Variants in TLN2 observed in about 807,000 individuals in gnomAD.
TLN2 encodes talin-2.
TLN2 carries 118 observed loss-of-function variants against 294.7 expected under a neutral mutation model. The ratio of observed to expected loss-of-function variants is 0.40; its 90% CI spans 0.34 to 0.47. The LOEUF (loss-of-function observed/expected upper bound fraction) is 0.47, where lower values mean the gene tolerates loss of function less well. TLN2 is among the 20% of genes least tolerant of loss of function. TLN2 has a pLI of 0.84. For missense variants in TLN2, 3,083 were observed against 3,282.2 expected, an observed-to-expected ratio of 0.94 and a Z score of 1.48; for synonymous variants, 1,431 against 1,304.5, an observed-to-expected ratio of 1.10 and a Z score of -2.09.
Position 62,765,872 on chromosome 15 carries a change from C to T in TLN2, c.5095-449C>T, listed in dbSNP as rs577797260. On this transcript the variant is annotated intron_variant, in intron 40 of 58. Transcript: ENST00000636159. ...GGGAAGTAGTCCTGCTTTCAAGGAGCTAATCTCATTTTTATGTCACTCTCC... is the reference window on the plus strand; with the variant it reads ...GGGAAGTAGTCCTGCTTTCAAGGAGTTAATCTCATTTTTATGTCACTCTCC... 3.3e-5 allele frequency among the ~76,000 whole-genome samples: 5 copies of T among 152,298 alleles called. No individual in the cohort carries two copies. In the South Asian group the frequency reaches 1.0e-3, roughly 32 times the overall value.
chr15:62,573,550 A>G (rs2044107164), intron 1 of TLN2, among the ~76,000 whole-genome samples: 1 of 152,004 alleles, frequency 6.6e-6, no homozygotes, highest in Non-Finnish European at 1.5e-5. Context: ...TCTATCTTGC[A>G]TGCATGACAG....
At chr15:62,426,434 C>G (rs2034712234) in intron 1 of TLN2, among the ~76,000 whole-genome samples, 1 of 152,208 alleles carries the variant, frequency 6.6e-6, no homozygotes. Flanking sequence ...TGCCTTGGTT[C>G]TGACTGGGAG....
chr15:62,475,348 G>A lies in TLN2; in HGVS notation c.-238+84663G>A, dbSNP rs558968690. 3.3e-5 allele frequency among the ~76,000 whole-genome samples: 5 copies of A among 152,256 alleles called. No homozygotes were observed. The South Asian group carries it at 6.2e-4, about 19-fold the overall frequency. Reference sequence around the variant, plus strand: ...CTGAAGGACACCTGAGTTTTATCACGCTCCTCGTTTTATAGATGAGTTGAC... The same window carrying A: ...CTGAAGGACACCTGAGTTTTATCACACTCCTCGTTTTATAGATGAGTTGAC... On this transcript the variant is annotated intron_variant, in intron 1 of 58. Transcript: ENST00000636159.
intron 2 of TLN2, among the ~76,000 whole-genome samples, chr15:62,605,802 A>C (rs191717660): frequency 6.6e-6 from 1 of 152,164 alleles, no homozygotes; most frequent in Admixed American, 6.5e-5. Flanking sequence ...GGCAATCAAT[A>C]TATGATGTTT....
chr15:62,706,598 G>A (rs1033203920), intron 19 of TLN2, among the ~76,000 whole-genome samples: 3 of 152,230 alleles, frequency 2.0e-5, no homozygotes, highest in Non-Finnish European at 4.4e-5. Flanking sequence ...CTAAATTTCT[G>A]ATGACGACTT....
chr15:62,702,744 A>T, intron 18 of TLN2, 22 bp from the exon 19 acceptor site: 1 of 1,611,524 alleles, frequency 6.2e-7, no homozygotes, highest in Non-Finnish European at 8.5e-7. Flanking sequence ...CTTTCCAATT[A>T]AGGTGTGTTG....
intron 25 of TLN2, among the ~76,000 whole-genome samples, chr15:62,720,850 A>G (rs2060102661): frequency 6.6e-6 from 1 of 152,046 alleles, no homozygotes; most frequent in Non-Finnish European, 1.5e-5. Flanking sequence ...CATCATGAAT[A>G]ACGTGATAAA....
At chr15:62,790,771 A>T (rs927055256) in intron 45 of TLN2, among the ~76,000 whole-genome samples, 4 of 152,314 alleles carry the variant, frequency 2.6e-5, no homozygotes, top group Non-Finnish European at 5.9e-5. Flanking sequence ...ATTATTTTCA[A>T]ACCAACAAAC....
rs561278979 is a variant in TLN2 at position 62,724,621 on chromosome 15, G to A, written c.3127-355G>A. 2.6e-5 allele frequency among the ~76,000 whole-genome samples: 4 copies of A among 152,296 alleles called. No individual in the cohort carries two copies. The South Asian group carries it at 8.3e-4, about 32-fold the overall frequency. On this transcript the variant is annotated intron_variant, in intron 26 of 58. Transcript: ENST00000636159. ...TGTTCATTCACTGCATCTTTCCCAT[G>A]ACTCTGTGTACACACATGGCTGTGC... is the stretch of plus-strand genomic sequence containing the variant.
chr15:62,446,903 A>G (rs1389695112), intron 1 of TLN2, among the ~76,000 whole-genome samples: 2 of 152,222 alleles, frequency 1.3e-5, no homozygotes, highest in African/African-American at 2.4e-5. Context: ...ACAAGGCATA[A>G]TTAGTTGTTA....
At chr15:62,677,359 G>A (rs992401860) in intron 11 of TLN2, among the ~76,000 whole-genome samples, 3 of 152,140 alleles carry the variant, frequency 2.0e-5, no homozygotes, top group African/African-American at 7.2e-5. Context: ...AATACCATCA[G>A]GCTTCACACA....
chr15:62,835,450 T>C, intron 55 of TLN2: 1 of 510,606 alleles, frequency 2.0e-6, no homozygotes, highest in Admixed American at 3.3e-5. Flanking sequence ...CAGGTCATCA[T>C]TCCTGAGCCG....
At chr15:62,654,754 C>CAAAAAAAAA (rs59006343) in intron 7 of TLN2, among the ~76,000 whole-genome samples, 34 of 33,858 alleles carry the variant, frequency 1.0e-3, no homozygotes, top group African/African-American at 3.6e-3. Flanking sequence ...GACTCTGCCT[C>CAAAAAAAAA]AAAAAAAAAA....
At chr15:62,552,318 T>G (rs2042366325) in intron 1 of TLN2, among the ~76,000 whole-genome samples, 1 of 152,244 alleles carries the variant, frequency 6.6e-6, no homozygotes, top group African/African-American at 2.4e-5. Flanking sequence ...TTCCCATTAT[T>G]CACGGATTCC....
rs1187283135 is a variant in TLN2 at position 62,708,617 on chromosome 15, A to G, written c.2288A>G (p.Asp763Gly). The G allele has an allele frequency of 1.2e-6, 2 of 1,614,148 alleles. No individual in the cohort carries two copies. The highest frequency in any genetic ancestry group is 4.5e-5 in the East Asian group (2 of 44,882). ...CVRACQAATT[D>G]SELLKQVSAA... The stretch of plus-strand genomic sequence containing the variant: ...CGTGCCTGCCAGGCGGCCACTACCG[A>G]TAGTGAGCTCCTGAAGCAGGTCAGC... The change falls in exon 21 of 59, where the codon GAT becomes GGT. Residue 763 changes from aspartate to glycine, a missense_variant. Physicochemically the swap from Asp to Gly is moderately conservative, Grantham distance 94. Transcript: ENST00000636159.
intron 1 of TLN2, among the ~76,000 whole-genome samples, chr15:62,548,323 G>A (rs2140544410): frequency 6.6e-6 from 1 of 152,316 alleles, no homozygotes; most frequent in Admixed American, 6.5e-5. Context: ...GTGGGTTTAT[G>A]TATGTCCTAA....
intron 22 of TLN2, among the ~76,000 whole-genome samples, chr15:62,713,713 T>A (rs2059576571): frequency 6.6e-6 from 1 of 151,938 alleles, no homozygotes; most frequent in South Asian, 2.1e-4. Flanking sequence ...TAGTGAGCCA[T>A]GTAGAGGACC....
chr15:62,410,473 A>G (rs1432902200), intron 1 of TLN2, among the ~76,000 whole-genome samples: 1 of 152,250 alleles, frequency 6.6e-6, no homozygotes, highest in Non-Finnish European at 1.5e-5. Flanking sequence ...AAAAAAAGGT[A>G]TCAGAGGAAC....
chr15:62,598,909 C>T (rs558644283), intron 2 of TLN2, among the ~76,000 whole-genome samples: 361 of 152,158 alleles, frequency 2.4e-3, no homozygotes, highest in South Asian at 4.6e-3. Flanking sequence ...GTGTCCTTCC[C>T]ACTCCTCCTC....
Sources: allele counts gnomAD v4.1 joint callset (sites outside exome capture counted in the v4.1 genomes callset), GRCh38; gene constraint gnomAD v4.1.1; transcripts MANE v1.5; gene names NCBI Gene and HGNC (gene_info 2026-07-23, HGNC 2026-07-21).